Variants in HCN4 observed in about 807,000 individuals in gnomAD.
HCN4 encodes hyperpolarization activated cyclic nucleotide gated potassium channel 4, also known as potassium/sodium hyperpolarization-activated cyclic nucleotide-gated channel 4.
Under a neutral mutation model 76.9 loss-of-function variants are expected in HCN4, and 29 were observed. That is an observed-to-expected ratio of 0.38 (90% CI 0.28 to 0.51). HCN4 has a LOEUF of 0.51. HCN4 is among the 20% of genes least tolerant of loss of function. HCN4 has a pLI of 0.90. For synonymous variants in HCN4, 772 were observed against 762.5 expected, an observed-to-expected ratio of 1.01 and a Z score of -0.21; for missense variants, 1,416 against 1,715.2, an observed-to-expected ratio of 0.83 and a Z score of 3.08.
In HCN4 at chr15:73,321,105, G is replaced by A. The variant is rs1303844116; in HGVS notation, c.*1376C>T. On this transcript the variant is annotated 3_prime_UTR_variant, in exon 8 of 8. Transcript: ENST00000261917. ...GATTTTTCTCATCTGGTCCTCATAG[G>A]TCCTTGTGAGGCAGTACCATAATTA... The A allele has an allele frequency of 6.6e-6, 1 of 152,196 alleles. No individual in the cohort carries two copies. Among genetic ancestry groups the A allele is most frequent in the Non-Finnish European group, 1.5e-5 (1 of 68,046 alleles). The allele number at this position is 152,196 out of a possible 1,614,324, so 9.4% of individuals were successfully genotyped here.
chr15:73,365,553 T>C (rs1462753792), intron 1 of HCN4, among the ~76,000 whole-genome samples: 1 of 152,128 alleles, frequency 6.6e-6, no homozygotes, highest in Non-Finnish European at 1.5e-5. Context: ...CAGACAGACA[T>C]ACCAGAATGG....
intron 1 of HCN4, among the ~76,000 whole-genome samples, chr15:73,358,065 A>G (rs8035424): frequency 0.076 from 11,514 of 152,146 alleles, 522 homozygotes; most frequent in Admixed American, 0.1. Flanking sequence ...CACTGAGAGA[A>G]GAGAGGAGCT....
intron 1 of HCN4, among the ~76,000 whole-genome samples, chr15:73,351,568 C>T (rs541714057): frequency 4.4e-4 from 67 of 152,304 alleles, no homozygotes; most frequent in Non-Finnish European, 7.6e-4. Flanking sequence ...CACTTCATCA[C>T]ACTGGATCCA....
At chr15:73,351,536 T>C (rs1288185450) in intron 1 of HCN4, among the ~76,000 whole-genome samples, 1 of 152,102 alleles carries the variant, frequency 6.6e-6, no homozygotes, top group Non-Finnish European at 1.5e-5. Flanking sequence ...TCCTCAACTC[T>C]TCTATCTCCC....
intron 1 of HCN4, among the ~76,000 whole-genome samples, chr15:73,346,378 G>C (rs2043029855): frequency 6.6e-6 from 1 of 152,190 alleles, no homozygotes; most frequent in African/African-American, 2.4e-5. Flanking sequence ...TCTGTCAAAT[G>C]CTCTGACCTA....
At position 73,323,482 on chromosome 15, in the gene HCN4, G is replaced by T. The variant is rs1395315928; in HGVS notation, c.2611C>A (p.Leu871Met). The T allele has an allele frequency of 1.2e-6, 2 of 1,604,940 alleles. No homozygotes were observed. Among genetic ancestry groups the T allele is most frequent in the Admixed American group, 1.7e-5 (1 of 60,020 alleles). The change falls in exon 8 of 8, where the codon CTG (leucine) becomes ATG (methionine). Residue 871 changes from leucine to methionine, a missense_variant. Physicochemically the swap from Leu to Met is conservative, Grantham distance 15. Transcript: ENST00000261917. ...CTGGATGAGGGCAGGAGTGGGCTCA[G>T]TCCAGCGGGGGCAGAGAATCCAGCC... ...QLAGFSAPAG[L>M]SPLLPSSSSS...
intron 1 of HCN4, among the ~76,000 whole-genome samples, chr15:73,356,570 C>G (rs2043082102): frequency 2.0e-5 from 3 of 151,608 alleles, no homozygotes; most frequent in Admixed American, 2.0e-4. Flanking sequence ...AACAAGGAGG[C>G]CATAGGAAGG....
intron 7 of HCN4, 32 bp downstream of exon 7, chr15:73,324,057 C>T (rs546202275): frequency 2.5e-6 from 4 of 1,610,312 alleles, no homozygotes; most frequent in East Asian, 2.2e-5. Context: ...CAACACCCCC[C>T]ACCTGCCCCG....
intron 2 of HCN4, among the ~76,000 whole-genome samples, chr15:73,333,506 G>A (rs919389996): frequency 6.6e-6 from 1 of 152,186 alleles, no homozygotes; most frequent in South Asian, 2.1e-4. Context: ...TCCAGCTACA[G>A]CCCTGTAGCT....
chr15:73,349,501 C>G (rs2043043758), intron 1 of HCN4, among the ~76,000 whole-genome samples: 1 of 152,140 alleles, frequency 6.6e-6, no homozygotes, highest in South Asian at 2.1e-4. Flanking sequence ...TTTCTAACCA[C>G]TCCACAGAAA....
intron 1 of HCN4, among the ~76,000 whole-genome samples, chr15:73,365,005 A>G (rs1193806659): frequency 1.3e-5 from 2 of 152,208 alleles, no homozygotes; most frequent in Admixed American, 6.5e-5. Flanking sequence ...TAAATCCTCG[A>G]CTAGCCTGAG....
Position 73,367,890 on chromosome 15 carries a change from C to T in HCN4, c.381G>A (p.Glu127=), listed in dbSNP as rs1478227882. 2.0e-5 allele frequency: 27 copies of T among 1,372,174 alleles called. No homozygotes were observed. The highest frequency in any genetic ancestry group is 2.5e-5 in the Non-Finnish European group (26 of 1,060,766). 85.0% of individuals were successfully genotyped at this position (1,372,174 alleles called of 1,614,324 possible). Reference sequence around the variant, plus strand: ...CGCCCTCGGCGATGAGCCGCCGCTCCTCCGCGGAGTCATGCAGGTGTCCGT... The same window carrying T: ...CGCCCTCGGCGATGAGCCGCCGCTCTTCCGCGGAGTCATGCAGGTGTCCGT... ...SSHGHLHDSA[E]ERRLIAEGDA... Residue 127 remains glutamate (E), a synonymous_variant, in exon 1 of 8, where the codon GAG becomes GAA. Transcript: ENST00000261917. This position sits in a 1 kb window ranked among gnomAD's most constrained non-coding sequence, Gnocchi z 7.5.
intron 1 of HCN4, among the ~76,000 whole-genome samples, chr15:73,355,619 TTC>T (rs2043074837): frequency 6.6e-6 from 1 of 152,212 alleles, no homozygotes; most frequent in Non-Finnish European, 1.5e-5. Flanking sequence ...CAACCGCACC[TTC>T]TCAACAGCAC....
rs745886315 is a variant in HCN4 at position 73,323,378 on chromosome 15, G to A, written c.2715C>T (p.Ala905=). Reference sequence around the variant, plus strand: ...GCGCCTTGTGGAAGTGGCCAAACCCGGCTATGGTGGTGGCGGCTACGCCAG... The same window carrying A: ...GCGCCTTGTGGAAGTGGCCAAACCCAGCTATGGTGGTGGCGGCTACGCCAG... ...PSAGVAATTI[A]GFGHFHKALG... Residue 905 remains alanine (A), a synonymous_variant, in exon 8 of 8, where the codon GCC becomes GCT. Coordinates refer to ENST00000261917, the MANE Select transcript of HCN4 (RefSeq NM_005477.3). 43 of 1,586,198 alleles carry A rather than the reference G, an allele frequency of 2.7e-5. No individual in the cohort carries two copies. In the Admixed American group the frequency reaches 2.7e-4, roughly 10 times the overall value.
At chr15:73,336,906 C>T (rs1165629139) in intron 2 of HCN4, among the ~76,000 whole-genome samples, 7 of 152,212 alleles carry the variant, frequency 4.6e-5, no homozygotes, top group Non-Finnish European at 1.5e-5. Flanking sequence ...CATGAATACA[C>T]TCCAAATGCC....
intron 1 of HCN4, among the ~76,000 whole-genome samples, chr15:73,363,520 G>C (rs986925152): frequency 6.6e-6 from 1 of 152,218 alleles, no homozygotes; most frequent in African/African-American, 2.4e-5. Context: ...GGATGGCCTA[G>C]AGAGGGGTTC....
chr15:73,367,068 G>A lies in HCN4; in HGVS notation c.785+418C>T, dbSNP rs1260776464. ...CTGTCAGCACCCAAGGAGCTGGCCC[G>A]TTGCTAAGAGGTCTGTCTCTCTTCA... On this transcript the variant is annotated intron_variant, in intron 1 of 7. Transcript: ENST00000261917. The surrounding 1 kb of genome is among the most constrained non-coding windows in gnomAD (Gnocchi z 7.5). 1.3e-5 allele frequency among the ~76,000 whole-genome samples: 2 copies of A among 152,200 alleles called. No homozygotes were observed. Among genetic ancestry groups the A allele is most frequent in the Non-Finnish European group, 2.9e-5 (2 of 68,034 alleles).
rs2043105426 is a variant in HCN4, at chr15:73,361,629, C to T, written c.785+5857G>A. ...GGGGACTGGGGCTGGACCTTCTGCT[C>T]TGAGTGAATTCCTCCATGGTGGTCA... On this transcript the variant is annotated intron_variant, in intron 1 of 7. Coordinates refer to ENST00000261917, the MANE Select transcript of HCN4 (RefSeq NM_005477.3). Among the ~76,000 whole-genome samples the T allele has an allele frequency of 2.6e-5, 4 of 152,206 alleles. No individual in the cohort carries two copies. The South Asian group carries it at 8.3e-4, about 32-fold the overall frequency.
chr15:73,354,097 G>C (rs2043067223), intron 1 of HCN4, among the ~76,000 whole-genome samples: 1 of 152,192 alleles, frequency 6.6e-6, no homozygotes, highest in Non-Finnish European at 1.5e-5. Flanking sequence ...TTAGAGCCAA[G>C]GGCATCTGGG....
Sources: allele counts gnomAD v4.1 joint callset (sites outside exome capture counted in the v4.1 genomes callset), GRCh38; gene constraint gnomAD v4.1.1; non-coding constraint Gnocchi (gnomAD v3.1); transcripts MANE v1.5; gene names NCBI Gene and HGNC (gene_info 2026-07-23, HGNC 2026-07-21).